Variants in PACS1 observed in about 807,000 individuals in gnomAD.
The protein encoded by PACS1 is phosphofurin acidic cluster sorting protein 1, also known as PACS-1.
In PACS1, 24 loss-of-function variants were observed where a neutral mutation model predicts 115.0. That is an observed-to-expected ratio of 0.21 (90% CI 0.15 to 0.29). PACS1 has a LOEUF of 0.29. PACS1 is among the 10% of genes least tolerant of loss of function. The probability of loss-of-function intolerance (pLI) is 1.00; values close to 1 mark genes in which losing one functional copy is unlikely to be tolerated. For missense variants in PACS1, 838 were observed against 1,251.2 expected (o/e 0.67, Z 4.98); for synonymous variants, 453 against 504.5 (o/e 0.90, Z 1.37).
At chr11:66,207,347 A>G (rs1313820659) in intron 2 of PACS1, among the ~76,000 whole-genome samples, 1 of 152,128 alleles carries the variant, frequency 6.6e-6, no homozygotes, top group Non-Finnish European at 1.5e-5. Context: ...CTCACCTGTA[A>G]TCCCAGCTAC....
intron 2 of PACS1, among the ~76,000 whole-genome samples, chr11:66,195,691 A>G (rs946059188): frequency 2.0e-5 from 3 of 152,196 alleles, no homozygotes; most frequent in Non-Finnish European, 4.4e-5. Context: ...ATGTCACCAC[A>G]TTCATTTATT....
intron 1 of PACS1, among the ~76,000 whole-genome samples, chr11:66,154,174 C>T (rs947874253): frequency 3.3e-5 from 5 of 152,148 alleles, no homozygotes; most frequent in South Asian, 2.1e-4. Flanking sequence ...CAGTGGCTCA[C>T]GTCAGTAATC....
intron 1 of PACS1, among the ~76,000 whole-genome samples, chr11:66,077,885 A>G (rs1857422983): frequency 6.6e-6 from 1 of 151,916 alleles, no homozygotes; most frequent in Admixed American, 6.6e-5. Context: ...TATTTTTAGT[A>G]GAGACGGGGT....
At chr11:66,086,385 G>A (rs981567870) in intron 1 of PACS1, among the ~76,000 whole-genome samples, 2 of 151,988 alleles carry the variant, frequency 1.3e-5, no homozygotes, top group African/African-American at 4.8e-5. Flanking sequence ...TGATCCACCC[G>A]CCTCGGCCTC....
At position 66,088,025 on chromosome 11, in the gene PACS1, G is replaced by C. The variant is rs187907998; in HGVS notation, c.356+17183G>C. Among the ~76,000 whole-genome samples, 203 of 152,088 alleles carry C rather than the reference G, an allele frequency of 1.3e-3. 1 individual carries two copies. Among genetic ancestry groups the C allele is most frequent in the Non-Finnish European group, 2.2e-3 (148 of 67,994 alleles). On this transcript the variant is annotated intron_variant, in intron 1 of 23. Coordinates refer to ENST00000320580, the MANE Select transcript of PACS1 (RefSeq NM_018026.4). ...TTTCATGTATTTGTTGGCCGTGTGT[G>C]TATCCTCTTTTATGAACTGTCTGTT...
chr11:66,199,682 CA>C (rs1290660055), intron 2 of PACS1, among the ~76,000 whole-genome samples: 1 of 152,074 alleles, frequency 6.6e-6, no homozygotes, highest in Non-Finnish European at 1.5e-5. Flanking sequence ...TGTAAATGGA[CA>C]AAATTCTGCA....
chr11:66,241,585 AT>A lies in PACS1; in HGVS notation c.2589del (p.His863GlnfsTer13). ...FRSVQVSRLPHSGEAQLSGTM... is the reference protein window; with the variant it reads ...FRSVQVSRLPXSGEAQLSGTM... ...TCAGTGCAGGTGTCCCGCCTGCCCC[AT>A]AGTGGGGAGGCCCAGCTTTCTGGCA... On this transcript the variant is annotated frameshift_variant, in exon 22 of 24. Transcript: ENST00000320580. LOFTEE classifies it high-confidence loss of function. 6.2e-7 allele frequency: 1 copy of A among 1,614,190 alleles called. No individual in the cohort carries two copies. Among genetic ancestry groups the A allele is most frequent in the Non-Finnish European group, 8.5e-7 (1 of 1,179,996 alleles).
intron 2 of PACS1, 116 bp downstream of exon 2, chr11:66,193,689 G>A: frequency 3.0e-6 from 2 of 672,936 alleles, no homozygotes; most frequent in South Asian, 1.9e-5. Context: ...TCTCAGCACA[G>A]CAAGGTGCAC....
At chr11:66,208,692 A>C (rs1855002225) in intron 2 of PACS1, among the ~76,000 whole-genome samples, 1 of 88,132 alleles carries the variant, frequency 1.1e-5, no homozygotes, top group Non-Finnish European at 2.3e-5. Context: ...AAAAGAAAGA[A>C]AGGAAGGAAG....
chr11:66,078,101 C>G (rs1857425706), intron 1 of PACS1, among the ~76,000 whole-genome samples: 1 of 152,176 alleles, frequency 6.6e-6, no homozygotes, highest in South Asian at 2.1e-4. Context: ...TTCCTCTTTT[C>G]TCCTTGTGAG....
intron 4 of PACS1, among the ~76,000 whole-genome samples, chr11:66,214,299 T>C (rs991217691): frequency 6.6e-6 from 1 of 152,110 alleles, no homozygotes; most frequent in African/African-American, 2.4e-5. Flanking sequence ...GGGCAGTGAA[T>C]TCCCGCCAGC....
At chr11:66,205,304 T>TA (rs1854909832) in intron 2 of PACS1, among the ~76,000 whole-genome samples, 1 of 149,830 alleles carries the variant, frequency 6.7e-6, no homozygotes, top group South Asian at 2.1e-4. Flanking sequence ...ATTTTAATTA[T>TA]AAAAATTTTT....
At chr11:66,122,001 T>C (rs1858454148) in intron 1 of PACS1, among the ~76,000 whole-genome samples, 1 of 152,206 alleles carries the variant, frequency 6.6e-6, no homozygotes, top group Admixed American at 6.5e-5. Context: ...TGGAAGAAGA[T>C]GCCATCTAGG....
Position 66,235,931 on chromosome 11 carries a change from C to T in PACS1, c.2241C>T (p.Pro747=). 2.5e-6 allele frequency: 4 copies of T among 1,613,906 alleles called. No individual in the cohort carries two copies. The highest frequency in any genetic ancestry group is 3.4e-6 in the Non-Finnish European group (4 of 1,179,814). ...AAGACTCCTATCAGAAGTTTATTCC[C>T]TTCATTGGCGTGAGTACTGACTCCC... The part of the protein sequence containing the change: ...PDEDSYQKFI[P]FIGVVKVGLV... The change falls in exon 19 of 24, where the codon CCC becomes CCT. Residue 747 remains proline (P), a synonymous_variant. Coordinates refer to ENST00000320580, the MANE Select transcript of PACS1 (RefSeq NM_018026.4). This position sits in a 1 kb window ranked among gnomAD's most constrained non-coding sequence, Gnocchi z 5.6.
intron 1 of PACS1, among the ~76,000 whole-genome samples, chr11:66,155,321 TGAA>T (rs573080536): frequency 2.0e-3 from 309 of 152,236 alleles, no homozygotes; most frequent in Middle Eastern, 0.014. Flanking sequence ...CAGAAAGGAA[TGAA>T]GAAAATGTAC....
chr11:66,229,454 C>CT (rs1226624467), intron 11 of PACS1, among the ~76,000 whole-genome samples: 1 of 151,706 alleles, frequency 6.6e-6, no homozygotes, highest in African/African-American at 2.4e-5. Context: ...AATCCCAGCA[C>CT]TTTGGGAGGC....
chr11:66,236,464 AG>A lies in PACS1; in HGVS notation c.2250+526del, dbSNP rs1460526602. On this transcript the variant is annotated intron_variant, in intron 19 of 23. Transcript: ENST00000320580. The surrounding 1 kb of genome is among the most constrained non-coding windows in gnomAD (Gnocchi z 4.2). ...GATACTTCTGTCTTCATGGTTGGAT[AG>A]GCCACTGAGAGGAAGGCTTTCTTCT... is the stretch of plus-strand genomic sequence containing the variant. Among the ~76,000 whole-genome samples, 5 of 152,246 alleles carry A rather than the reference AG, an allele frequency of 3.3e-5. No individual in the cohort carries two copies. Among genetic ancestry groups the A allele is most frequent in the Non-Finnish European group, 7.3e-5 (5 of 68,042 alleles).
At chr11:66,122,005 A>G (rs556366415) in intron 1 of PACS1, among the ~76,000 whole-genome samples, 5 of 152,320 alleles carry the variant, frequency 3.3e-5, no homozygotes, top group African/African-American at 1.2e-4. Context: ...AGAAGATGCC[A>G]TCTAGGACTT....
intron 8 of PACS1, 75 bp downstream of exon 8, chr11:66,219,880 CTG>C (rs1223827544): frequency 4.9e-6 from 5 of 1,027,166 alleles, no homozygotes; most frequent in South Asian, 2.5e-5. Flanking sequence ...GGAGTACACT[CTG>C]TATTGCCACT....
Sources: gnomAD v4.1 joint callset for allele counts (sites outside exome capture counted in the v4.1 genomes callset) on GRCh38, gnomAD v4.1.1 for gene constraint, Gnocchi (gnomAD v3.1) non-coding constraint, MANE v1.5 for transcripts, NCBI Gene and HGNC (gene_info 2026-07-23, HGNC 2026-07-21) for gene names.